SUDS3: variants seen among roughly 807,000 people sequenced by gnomAD.
The protein encoded by SUDS3 is SIN3A corepressor complex component SDS3.
In SUDS3, 23 loss-of-function variants were observed where a neutral mutation model predicts 53.5. That is an observed-to-expected ratio of 0.43 (90% CI 0.31 to 0.61). The LOEUF is 0.61. Ranked by LOEUF, SUDS3 falls within the 20% of genes least tolerant of loss-of-function variation. The pLI is 0.10. For missense variants in SUDS3, 291 were observed against 405.9 expected (o/e 0.72, Z 2.43); for synonymous variants, 150 against 148.5 (o/e 1.01, Z -0.08).
At chr12:118,396,799 C>T (rs917296327) in intron 6 of SUDS3, among the ~76,000 whole-genome samples, 2 of 152,164 alleles carry the variant, frequency 1.3e-5, no homozygotes, top group African/African-American at 4.8e-5. Context: ...TCAAGAATAT[C>T]TCTCCAGAGG....
At chr12:118,378,876 T>C (rs1478074612) in intron 1 of SUDS3, among the ~76,000 whole-genome samples, 2 of 152,030 alleles carry the variant, frequency 1.3e-5, no homozygotes, top group East Asian at 3.9e-4. Flanking sequence ...GGTTTCTCCA[T>C]GCTGGTCAGG....
chr12:118,398,014 G>A (rs2046231077), intron 6 of SUDS3, among the ~76,000 whole-genome samples: 1 of 152,144 alleles, frequency 6.6e-6, no homozygotes, highest in South Asian at 2.1e-4. Context: ...TTCCAAATTA[G>A]GTGTCAGTGT....
intron 1 of SUDS3, 34 bp downstream of exon 1, chr12:118,376,867 G>T: frequency 6.7e-7 from 1 of 1,503,580 alleles, no homozygotes; most frequent in Non-Finnish European, 8.8e-7. Context: ...CGCCCGGAGC[G>T]GAGGTGGGAC....
intron 1 of SUDS3, among the ~76,000 whole-genome samples, chr12:118,377,603 A>C (rs1447704910): frequency 1.4e-5 from 2 of 146,484 alleles, no homozygotes; most frequent in African/African-American, 5.1e-5. Context: ...CGCTCTTTGC[A>C]CTGTCATCAC....
intron 11 of SUDS3, among the ~76,000 whole-genome samples, chr12:118,413,900 CAA>C (rs978531022): frequency 3.5e-4 from 54 of 152,168 alleles, no homozygotes; most frequent in African/African-American, 1.3e-3. Flanking sequence ...GCCAGGAAAC[CAA>C]AGTATTGAAA....
Position 118,401,948 on chromosome 12 carries a change from T to C in SUDS3, c.676-35T>C, listed in dbSNP as rs1284453661. On this transcript the variant is annotated intron_variant, in intron 8 of 11. Coordinates refer to ENST00000543473, the MANE Select transcript of SUDS3 (RefSeq NM_022491.3). ...ACCTGAAGTTGCACCTGAAATGATT[T>C]TCTCTAAGATTTTTTGTTGTTGTTC... The C allele has an allele frequency of 1.9e-6, 3 of 1,613,688 alleles. No homozygotes were observed. In the East Asian group the frequency reaches 6.7e-5, roughly 36 times the overall value.
chr12:118,409,882 A>G (rs2046343353), intron 10 of SUDS3, among the ~76,000 whole-genome samples: 1 of 152,164 alleles, frequency 6.6e-6, no homozygotes, highest in Non-Finnish European at 1.5e-5. Context: ...CAGCAACTTC[A>G]CTTTCATCCT....
chr12:118,386,213 C>CGAG lies in SUDS3; in HGVS notation c.340+28_340+29insGAG. ...AAGGCTCCTTTAAATGGCAATGAATCATCTTTCAATGTTTGACCATTTGCC... is the reference window on the plus strand; with the variant it reads ...AAGGCTCCTTTAAATGGCAATGAATCGAGATCTTTCAATGTTTGACCATTTGCC... On this transcript the variant is annotated intron_variant, in intron 4 of 11. Coordinates refer to ENST00000543473, the MANE Select transcript of SUDS3 (RefSeq NM_022491.3). 5.2e-6 allele frequency: 8 copies of CGAG among 1,546,882 alleles called. No homozygotes were observed. The Admixed American group carries it at 7.3e-5, about 14-fold the overall frequency.
intron 6 of SUDS3, among the ~76,000 whole-genome samples, chr12:118,395,864 A>G (rs1455835779): frequency 6.6e-6 from 1 of 151,042 alleles, no homozygotes; most frequent in Non-Finnish European, 1.5e-5. Flanking sequence ...ACTAATTTTT[A>G]TACTTTTTAG....
intron 6 of SUDS3, among the ~76,000 whole-genome samples, chr12:118,393,347 C>T (rs778081986): frequency 5.0e-4 from 76 of 152,280 alleles, no homozygotes; most frequent in Non-Finnish European, 7.2e-4. Context: ...TAGGATAAGA[C>T]GCTGATGAGA....
intron 6 of SUDS3, among the ~76,000 whole-genome samples, chr12:118,393,647 A>ATTTC (rs563859950): frequency 2.0e-5 from 3 of 149,906 alleles, no homozygotes; most frequent in East Asian, 3.9e-4. Context: ...GAGATCCTGC[A>ATTTC]TTTCTTTCTT....
Position 118,400,538 on chromosome 12 carries a change from A to G in SUDS3, c.518-121A>G, listed in dbSNP as rs116459976. On this transcript the variant is annotated intron_variant, in intron 6 of 11. Transcript: ENST00000543473. ...TCTGGCTACGACCATGTGTAGAACA[A>G]ACACCCCCAGTAAAACAGTTCTGAT... 3.5e-3 allele frequency: 3,099 copies of G among 882,894 alleles called. 73 individuals carry two copies. The African/African-American group carries it at 0.046, about 13-fold the overall frequency. 54.7% of individuals were successfully genotyped at this position (882,894 alleles called of 1,614,324 possible). A position where few individuals can be genotyped will look rare whatever the true frequency, so the allele number is the denominator to read the frequency against.
chr12:118,417,404 A>C lies in SUDS3; in HGVS notation c.*2971A>C, dbSNP rs932022535. 1 of 152,006 alleles carries C rather than the reference A, an allele frequency of 6.6e-6. No individual in the cohort carries two copies. The highest frequency in any genetic ancestry group is 2.4e-5 in the African/African-American group (1 of 41,378). 9.4% of individuals were successfully genotyped at this position (152,006 alleles called of 1,614,324 possible). ...CTGGAGAGAAGATTGTATTTTTTAC[A>C]GTTTTTTGGGTTTGGCTTCCTTCTC... On this transcript the variant is annotated 3_prime_UTR_variant, in exon 12 of 12. Coordinates refer to ENST00000543473, the MANE Select transcript of SUDS3 (RefSeq NM_022491.3).
rs1735117842 is a variant in SUDS3, at chr12:118,376,583, C to T, written c.-109C>T. On this transcript the variant is annotated 5_prime_UTR_variant, in exon 1 of 12. Coordinates refer to ENST00000543473, the MANE Select transcript of SUDS3 (RefSeq NM_022491.3). ...GACGGGGAAGGGGTCGCCGTGGCTG[C>T]CGGTCCTCGAGTTGGGGGCTGCCGC... 2 of 1,234,222 alleles carry T rather than the reference C, an allele frequency of 1.6e-6. No homozygotes were observed. Among genetic ancestry groups the T allele is most frequent in the African/African-American group, 1.6e-5 (1 of 63,972 alleles). 76.5% of individuals were successfully genotyped at this position (1,234,222 alleles called of 1,614,324 possible). A position where few individuals can be genotyped will look rare whatever the true frequency, so the allele number is the denominator to read the frequency against.
At chr12:118,411,705 G>A (rs951887430) in intron 11 of SUDS3, among the ~76,000 whole-genome samples, 6 of 151,934 alleles carry the variant, frequency 3.9e-5, no homozygotes, top group Non-Finnish European at 7.4e-5. Context: ...GTTTCACCAC[G>A]TTGGTCAGGC....
chr12:118,386,287 C>A, intron 4 of SUDS3, 102 bp downstream of exon 4: 1 of 909,598 alleles, frequency 1.1e-6, no homozygotes. Context: ...AAACATATCC[C>A]AGATACTCTG....
At position 118,376,713 on chromosome 12, in the gene SUDS3, G is replaced by C; in HGVS notation, c.22G>C (p.Ala8Pro). Residue 8 changes from alanine to proline, a missense_variant, in exon 1 of 12, where the codon GCC becomes CCC. This residue lies in a region of SUDS3 where 149 missense variants were observed against 146.5 expected (regional missense o/e 1.02). Coordinates refer to ENST00000543473, the MANE Select transcript of SUDS3 (RefSeq NM_022491.3). MSAAGLL[A>P]PAPAQAGAPP... ...CGACATGAGTGCCGCGGGGCTGCTG[G>C]CCCCGGCCCCGGCCCAGGCTGGAGC... The C allele has an allele frequency of 6.6e-7, 1 of 1,518,906 alleles. No homozygotes were observed. The highest frequency in any genetic ancestry group is 8.8e-7 in the Non-Finnish European group (1 of 1,139,522). The allele number at this position is 1,518,906 out of a possible 1,614,324, so 94.1% of individuals were successfully genotyped here.
rs923476863 is a variant in SUDS3 at position 118,395,227 on chromosome 12, T to G, written c.517+3945T>G. Among the ~76,000 whole-genome samples, 50 of 139,486 alleles carry G rather than the reference T, an allele frequency of 3.6e-4. 1 individual carries two copies. Among genetic ancestry groups the G allele is most frequent in the African/African-American group, 1.2e-3 (45 of 36,140 alleles). 91.5% of individuals were successfully genotyped at this position (139,486 alleles called of 152,430 possible). A position where few individuals can be genotyped will look rare whatever the true frequency, so the allele number is the denominator to read the frequency against. On this transcript the variant is annotated intron_variant, in intron 6 of 11. Coordinates refer to ENST00000543473, the MANE Select transcript of SUDS3 (RefSeq NM_022491.3). The stretch of plus-strand genomic sequence containing the variant: ...ATTGTGGAATCAGGGTTTTTTTTTT[T>G]TTTTTTTTTTTTTTTTAAGACGGAG...
At chr12:118,392,662 T>TAA (rs2046177999) in intron 6 of SUDS3, among the ~76,000 whole-genome samples, 1 of 152,200 alleles carries the variant, frequency 6.6e-6, no homozygotes, top group Admixed American at 6.5e-5. Context: ...GCCTGCCGGC[T>TAA]TTTGGACCTG....
Sources: allele counts gnomAD v4.1 joint callset (sites outside exome capture counted in the v4.1 genomes callset), GRCh38; gene constraint gnomAD v4.1.1; regional missense constraint gnomAD v4.1.1; transcripts MANE v1.5; gene names NCBI Gene and HGNC (gene_info 2026-07-23, HGNC 2026-07-21).